TBC1D8: variants seen among roughly 807,000 people sequenced by gnomAD.
TBC1D8 encodes TBC1 domain family member 8.
A neutral mutation model predicts 118.8 loss-of-function variants in TBC1D8; 65 were observed. That is an observed-to-expected ratio of 0.55 (90% CI 0.45 to 0.67). The LOEUF (loss-of-function observed/expected upper bound fraction) is 0.67. Among genes scored for constraint, TBC1D8 ranks in the 30% least tolerant of loss-of-function variants. TBC1D8 has a pLI of 0.00. For missense variants in TBC1D8, 1,376 were observed against 1,471.2 expected, an observed-to-expected ratio of 0.94 and a Z score of 1.06; for synonymous variants, 566 against 595.8, an observed-to-expected ratio of 0.95 and a Z score of 0.73.
intron 5 of TBC1D8, among the ~76,000 whole-genome samples, chr2:101,041,356 AAAGG>A (rs1265993525): frequency 1.3e-5 from 2 of 152,262 alleles, no homozygotes; most frequent in Non-Finnish European, 2.9e-5. Context: ...CAGCCATAAA[AAAGG>A]AATGAAGTAC....
At chr2:101,028,000 T>C (rs368626474) in intron 14 of TBC1D8, 48 bp downstream of exon 14, 156 of 1,568,932 alleles carry the variant, frequency 9.9e-5, no homozygotes, top group Non-Finnish European at 1.2e-4. Flanking sequence ...CACTCCCAGG[T>C]TGGCTCCCCA....
chr2:101,028,448 C>T lies in TBC1D8; in HGVS notation c.2223-16G>A, dbSNP rs17025203. The T allele has an allele frequency of 1.0e-2, 15,346 of 1,538,914 alleles. 1,264 individuals carry two copies. The African/African-American group carries it at 0.18, about 18-fold the overall frequency. Reference sequence around the variant, plus strand: ...ATCTAGAAACCTGAACACACCGCCCCGTCAACGCCCAAGTCCATCCTCATT... The same window carrying T: ...ATCTAGAAACCTGAACACACCGCCCTGTCAACGCCCAAGTCCATCCTCATT... On this transcript the variant is annotated splice_polypyrimidine_tract_variant and intron_variant, in intron 12 of 19. Transcript: ENST00000409318.
At chr2:101,082,686 T>C (rs1328373251) in intron 2 of TBC1D8, among the ~76,000 whole-genome samples, 1 of 152,198 alleles carries the variant, frequency 6.6e-6, no homozygotes, top group Non-Finnish European at 1.5e-5. Flanking sequence ...AGACCAACAC[T>C]GCTCGAGCCC....
At chr2:101,015,572 T>C (rs1219347654) in intron 17 of TBC1D8, among the ~76,000 whole-genome samples, 1 of 152,214 alleles carries the variant, frequency 6.6e-6, no homozygotes, top group Non-Finnish European at 1.5e-5. Flanking sequence ...TCTATAAACA[T>C]TTTTCTATCA....
intron 1 of TBC1D8, among the ~76,000 whole-genome samples, chr2:101,117,320 G>A (rs1053763921): frequency 1.3e-5 from 2 of 152,164 alleles, no homozygotes; most frequent in East Asian, 1.9e-4. Context: ...CGCACAGAGT[G>A]AGAGAGCTTT....
chr2:101,120,421 G>A (rs1322652389), intron 1 of TBC1D8, among the ~76,000 whole-genome samples: 1 of 152,152 alleles, frequency 6.6e-6, no homozygotes, highest in Admixed American at 6.5e-5. Context: ...GTGGTCTGTG[G>A]TCCGGCCTGG....
At chr2:101,039,989 T>C (rs1031988428) in intron 6 of TBC1D8, among the ~76,000 whole-genome samples, 189 bp downstream of exon 6, 1 of 152,272 alleles carries the variant, frequency 6.6e-6, no homozygotes, top group African/African-American at 2.4e-5. Flanking sequence ...GAAAAAGCAA[T>C]GGCCGAATGG....
rs375100393 is a variant in TBC1D8, at chr2:101,027,073, G to A, written c.2520+310C>T. Reference sequence around the variant, plus strand: ...CAGAGCCCGCACTCACTAGAGCAGCGGTGAGCAGAGTAGATCACAGCACCG... The same window carrying A: ...CAGAGCCCGCACTCACTAGAGCAGCAGTGAGCAGAGTAGATCACAGCACCG... On this transcript the variant is annotated intron_variant, in intron 15 of 19. Coordinates refer to ENST00000409318, the MANE Select transcript of TBC1D8 (RefSeq NM_001330348.2). 1.8e-4 allele frequency among the ~76,000 whole-genome samples: 27 copies of A among 152,320 alleles called. No homozygotes were observed. In the East Asian group the frequency reaches 3.3e-3, roughly 19 times the overall value.
chr2:101,143,069 T>C (rs2104282131), intron 1 of TBC1D8, among the ~76,000 whole-genome samples: 1 of 150,832 alleles, frequency 6.6e-6, no homozygotes, highest in Non-Finnish European at 1.5e-5. Flanking sequence ...TTTCCTTTTT[T>C]TTTTTTTTCT....
chr2:101,010,946 ATTCT>A lies in TBC1D8; in HGVS notation c.2994_2997del (p.Lys998AsnfsTer5). ...GTCCATACCTGGCTCATTTTGGGCAATTCTTTCTCAGTTTTATCTTTTTCTTTGG... is the reference window on the plus strand; with the variant it reads ...GTCCATACCTGGCTCATTTTGGGCAATTCTCAGTTTTATCTTTTTCTTTGG... On this transcript the variant is annotated frameshift_variant, in exon 19 of 20. Transcript: ENST00000409318. LOFTEE classifies it low-confidence loss of function (END_TRUNC). 1.2e-6 allele frequency: 2 copies of A among 1,612,330 alleles called. No homozygotes were observed. The highest frequency in any genetic ancestry group is 1.7e-5 in the Admixed American group (1 of 60,014).
At chr2:101,141,445 T>C (rs765488411) in intron 1 of TBC1D8, among the ~76,000 whole-genome samples, 1 of 152,166 alleles carries the variant, frequency 6.6e-6, no homozygotes, top group African/African-American at 2.4e-5. Flanking sequence ...TCCTAGAAGT[T>C]GTCCTGCAGC....
At chr2:101,101,130 T>A (rs1023157717) in intron 1 of TBC1D8, among the ~76,000 whole-genome samples, 39 of 152,000 alleles carry the variant, frequency 2.6e-4, no homozygotes, top group Non-Finnish European at 4.1e-4. Context: ...TGGGAGAAAA[T>A]TTTTGCAATC....
Position 101,015,150 on chromosome 2 carries a change from G to C in TBC1D8, c.2828-3610C>G, listed in dbSNP as rs563928948. Among the ~76,000 whole-genome samples, 3 of 152,252 alleles carry C rather than the reference G, an allele frequency of 2.0e-5. No homozygotes were observed. In the East Asian group the frequency reaches 5.8e-4, roughly 29 times the overall value. ...CTACAAACCTGTACAGCATGTTACT[G>C]TCCTGAATACTGTAGGCAGCTGGAA... On this transcript the variant is annotated intron_variant, in intron 17 of 19. Coordinates refer to ENST00000409318, the MANE Select transcript of TBC1D8 (RefSeq NM_001330348.2).
intron 17 of TBC1D8, among the ~76,000 whole-genome samples, chr2:101,012,732 CAG>C (rs753761811): frequency 4.6e-5 from 7 of 152,070 alleles, no homozygotes; most frequent in Non-Finnish European, 8.8e-5. Context: ...TCGGGGATGA[CAG>C]GGAAGGTTCC....
At chr2:101,150,595 G>A (rs544733440) in intron 1 of TBC1D8, among the ~76,000 whole-genome samples, 2 of 152,282 alleles carry the variant, frequency 1.3e-5, no homozygotes, top group East Asian at 1.9e-4. Context: ...CTTGGGATTC[G>A]CCCACCCTCA....
rs373340396 is a variant in TBC1D8, at chr2:101,046,987, C to T, written c.872+3414G>A. On this transcript the variant is annotated intron_variant, in intron 5 of 19. Transcript: ENST00000409318. ...CCTCCCCAAAAAAAACAGCCGAATA[C>T]ACTTTTTTTCACCCCACCATTCCCA... Among the ~76,000 whole-genome samples, 30 of 152,364 alleles carry T rather than the reference C, an allele frequency of 2.0e-4. No individual in the cohort carries two copies. The South Asian group carries it at 6.2e-3, about 32-fold the overall frequency.
At chr2:101,107,918 G>A (rs556148143) in intron 1 of TBC1D8, among the ~76,000 whole-genome samples, 1 of 152,232 alleles carries the variant, frequency 6.6e-6, no homozygotes, top group African/African-American at 2.4e-5. Context: ...CTTGAGCCAG[G>A]CATGGTAGCA....
intron 1 of TBC1D8, among the ~76,000 whole-genome samples, chr2:101,112,924 A>G (rs991174794): frequency 1.3e-5 from 2 of 152,186 alleles, no homozygotes; most frequent in African/African-American, 4.8e-5. Context: ...ATTTCTGACT[A>G]CTTCTCCATT....
At chr2:101,039,245 T>C (rs1309326644) in intron 6 of TBC1D8, among the ~76,000 whole-genome samples, 1 of 152,176 alleles carries the variant, frequency 6.6e-6, no homozygotes, top group Non-Finnish European at 1.5e-5. Context: ...CCAAAAAAAA[T>C]TTTTTAAGCA....
Sources: gnomAD v4.1 joint callset for allele counts (sites outside exome capture counted in the v4.1 genomes callset) on GRCh38, gnomAD v4.1.1 for gene constraint, MANE v1.5 for transcripts, NCBI Gene and HGNC (gene_info 2026-07-23, HGNC 2026-07-21) for gene names.